PRDM16: variants seen among roughly 807,000 people sequenced by gnomAD.
The protein encoded by PRDM16 is histone-lysine N-methyltransferase PRDM16.
A neutral mutation model predicts 110.6 loss-of-function variants in PRDM16; 23 were observed. The ratio of observed to expected loss-of-function variants is 0.21; its 90% CI spans 0.15 to 0.29. The LOEUF is 0.29. PRDM16 is among the 10% of genes least tolerant of loss of function. The probability of loss-of-function intolerance (pLI) is 1.00; values close to 1 mark genes in which losing one functional copy is unlikely to be tolerated. For missense variants in PRDM16, 1,615 were observed against 1,794.3 expected (o/e 0.90, Z 1.81); for synonymous variants, 799 against 781.8 (o/e 1.02, Z -0.37).
At chr1:3,163,419 C>T (rs1002180501) in intron 1 of PRDM16, among the ~76,000 whole-genome samples, 11 of 152,192 alleles carry the variant, frequency 7.2e-5, no homozygotes, top group Non-Finnish European at 1.5e-4. Context: ...ATCTCCAAGG[C>T]GTGCACAGCC....
Position 3,412,726 on chromosome 1 carries a change from C to G in PRDM16, c.2529C>G (p.Cys843Trp). The G allele has an allele frequency of 2.0e-6, 3 of 1,506,924 alleles. No individual in the cohort carries two copies. The highest frequency in any genetic ancestry group is 2.7e-6 in the Non-Finnish European group (3 of 1,127,898). 93.3% of individuals were successfully genotyped at this position (1,506,924 alleles called of 1,614,324 possible). The part of the protein sequence containing the change: ...LGAGEGLPQV[C>W]PARMPQQPPL... ...CCGGCGAGGGGCTGCCCCAGGTGTG[C>G]CCGGCGCGGATGCCCCAGCAGCCCC... The change falls in exon 9 of 17, where the codon TGC becomes TGG. Residue 843 changes from cysteine to tryptophan, a missense_variant. This residue lies in a region of PRDM16 where 772 missense variants were observed against 748.3 expected (regional missense o/e 1.03). Coordinates refer to ENST00000270722, the MANE Select transcript of PRDM16 (RefSeq NM_022114.4).
intron 2 of PRDM16, among the ~76,000 whole-genome samples, chr1:3,229,244 C>T (rs947996684): frequency 2.6e-5 from 4 of 152,214 alleles, no homozygotes; most frequent in Non-Finnish European, 4.4e-5. Flanking sequence ...TACCCACACA[C>T]GGGCTGGGTG....
intron 3 of PRDM16, among the ~76,000 whole-genome samples, chr1:3,366,899 C>G (rs1020424167): frequency 6.6e-6 from 1 of 152,092 alleles, no homozygotes; most frequent in African/African-American, 2.4e-5. Context: ...TTGTAGCATC[C>G]CGGGGAGTGA....
intron 2 of PRDM16, among the ~76,000 whole-genome samples, chr1:3,232,499 A>C (rs1639438613): frequency 6.6e-6 from 1 of 152,252 alleles, no homozygotes; most frequent in African/African-American, 2.4e-5. Context: ...AATAAAATAC[A>C]ACGGGAAACA....
chr1:3,267,903 A>C (rs1440851311), intron 3 of PRDM16, among the ~76,000 whole-genome samples: 1 of 152,172 alleles, frequency 6.6e-6, no homozygotes, highest in African/African-American at 2.4e-5. Context: ...AGTGGAATCC[A>C]AGCCAGGATG....
At chr1:3,252,716 G>A (rs1230094398) in intron 3 of PRDM16, among the ~76,000 whole-genome samples, 3 of 152,096 alleles carry the variant, frequency 2.0e-5, no homozygotes, top group Admixed American at 1.3e-4. Context: ...TCTGGTGGGG[G>A]CACTGGCTTC....
chr1:3,303,181 A>G (rs559340972), intron 3 of PRDM16, among the ~76,000 whole-genome samples: 1 of 151,804 alleles, frequency 6.6e-6, no homozygotes, highest in Admixed American at 6.6e-5. Context: ...GAGCATTTCC[A>G]TCCCCCCAGA....
Position 3,255,409 on chromosome 1 carries a change from G to A in PRDM16, c.438+11272G>A, listed in dbSNP as rs1569935704. 2.0e-5 allele frequency among the ~76,000 whole-genome samples: 3 copies of A among 152,292 alleles called. No individual in the cohort carries two copies. The highest frequency in any genetic ancestry group is 7.2e-5 in the African/African-American group (3 of 41,556). On this transcript the variant is annotated intron_variant, in intron 3 of 16. Coordinates refer to ENST00000270722, the MANE Select transcript of PRDM16 (RefSeq NM_022114.4). The surrounding 1 kb of genome is among the most constrained non-coding windows in gnomAD (Gnocchi z 4.7). ...CCAGACGGCTCTCACCACAAAGCCA[G>A]GGCTGCCCCCGACACTTCAGGAGCC...
intron 1 of PRDM16, among the ~76,000 whole-genome samples, chr1:3,173,131 G>A (rs1219361287): frequency 6.6e-6 from 1 of 152,230 alleles, no homozygotes; most frequent in East Asian, 1.9e-4. Context: ...CAGGGCCAGG[G>A]AGCCTCGGCT....
intron 2 of PRDM16, among the ~76,000 whole-genome samples, chr1:3,202,451 G>C (rs534774091): frequency 1.8e-4 from 28 of 152,334 alleles, no homozygotes. Context: ...GCAGGGATGG[G>C]TCAGGGCTCA....
intron 14 of PRDM16, among the ~76,000 whole-genome samples, chr1:3,430,453 T>A (rs750096914): frequency 2.6e-5 from 4 of 152,202 alleles, no homozygotes; most frequent in Admixed American, 1.3e-4. Flanking sequence ...GCCCACGTCC[T>A]CGAGTTGTCA....
chr1:3,288,563 T>G (rs1436309413), intron 3 of PRDM16, among the ~76,000 whole-genome samples: 2 of 152,118 alleles, frequency 1.3e-5, no homozygotes, highest in Non-Finnish European at 2.9e-5. Context: ...CCAGCCCAGC[T>G]CCAGCCCAAG....
chr1:3,376,833 C>T lies in PRDM16; in HGVS notation c.439-8319C>T, dbSNP rs367593385. On this transcript the variant is annotated intron_variant, in intron 3 of 16. Coordinates refer to ENST00000270722, the MANE Select transcript of PRDM16 (RefSeq NM_022114.4). ...GCTTGCTGACCGCCGACCAGGCCTC[C>T]TGTGTCCCTGGCCGTGGTGTGGCCC... Among the ~76,000 whole-genome samples, 98 of 152,098 alleles carry T rather than the reference C, an allele frequency of 6.4e-4. No homozygotes were observed. In the South Asian group the frequency reaches 0.02, roughly 31 times the overall value.
intron 10 of PRDM16, 57 bp downstream of exon 10, chr1:3,414,704 T>G (rs1386171358): frequency 7.2e-7 from 1 of 1,384,782 alleles, no homozygotes; most frequent in Admixed American, 1.8e-5. Context: ...TGGCCCCATC[T>G]CCCGGCTGTC....
chr1:3,300,043 G>A lies in PRDM16; in HGVS notation c.438+55906G>A, dbSNP rs1570022071. The stretch of plus-strand genomic sequence containing the variant: ...GCTATGCTGTGGCCGTGATGTTTCC[G>A]ATCCCAGTCATGGTGACTCTGCCCT... On this transcript the variant is annotated intron_variant, in intron 3 of 16. Transcript: ENST00000270722. Among the ~76,000 whole-genome samples, 3 of 94,072 alleles carry A rather than the reference G, an allele frequency of 3.2e-5. 1 individual carries two copies. Among genetic ancestry groups the A allele is most frequent in the African/African-American group, 9.4e-5 (3 of 31,838 alleles). The allele number at this position is 94,072 out of a possible 152,430, so 61.7% of individuals were successfully genotyped here.
intron 12 of PRDM16, among the ~76,000 whole-genome samples, chr1:3,423,545 G>A (rs761760315): frequency 6.6e-6 from 1 of 152,202 alleles, no homozygotes; most frequent in Non-Finnish European, 1.5e-5. Context: ...CAGGACTCCC[G>A]AGTGTCACCA....
intron 1 of PRDM16, among the ~76,000 whole-genome samples, chr1:3,114,365 C>T (rs1389585496): frequency 7.0e-6 from 1 of 142,822 alleles, no homozygotes; most frequent in African/African-American, 2.6e-5. Flanking sequence ...TGCACACACG[C>T]ACACACGCAG....
intron 1 of PRDM16, among the ~76,000 whole-genome samples, chr1:3,134,800 G>A (rs1643403291): frequency 1.3e-5 from 2 of 152,266 alleles, no homozygotes; most frequent in African/African-American, 2.4e-5. Flanking sequence ...GCCTAGCTGA[G>A]GCAGAGGCGG....
intron 2 of PRDM16, among the ~76,000 whole-genome samples, chr1:3,187,181 T>A (rs1644279807): frequency 6.6e-6 from 1 of 152,004 alleles, no homozygotes; most frequent in South Asian, 2.1e-4. Flanking sequence ...GGTGTTGGGG[T>A]CCCTTGAGTG....
Sources: allele counts gnomAD v4.1 joint callset (sites outside exome capture counted in the v4.1 genomes callset), GRCh38; gene constraint gnomAD v4.1.1; regional missense constraint gnomAD v4.1.1; non-coding constraint Gnocchi (gnomAD v3.1); transcripts MANE v1.5; gene names NCBI Gene and HGNC (gene_info 2026-07-23, HGNC 2026-07-21).